The following MYO9A variants were observed in gnomAD, a reference collection of about 807,000 sequenced individuals.
MYO9A encodes the protein myosin IXA.
Under a neutral mutation model 293.3 loss-of-function variants are expected in MYO9A, and 103 were observed. The observed-to-expected ratio is 0.35, with a 90% CI of 0.30 to 0.41. The LOEUF (loss-of-function observed/expected upper bound fraction) is 0.41. Among genes scored for constraint, MYO9A ranks in the 10% least tolerant of loss-of-function variants. MYO9A has a pLI of 1.00. For synonymous variants in MYO9A, 1,001 were observed against 1,035.7 expected, an observed-to-expected ratio of 0.97 and a Z score of 0.64; for missense variants, 2,685 against 3,033.0, an observed-to-expected ratio of 0.89 and a Z score of 2.69.
chr15:72,069,389 TA>T (rs1419222519), intron 1 of MYO9A, among the ~76,000 whole-genome samples: 1 of 152,170 alleles, frequency 6.6e-6, no homozygotes. Flanking sequence ...AAGGGTAGAA[TA>T]TTTTTTTGTC....
At chr15:71,970,334 CCA>C (rs1202497695) in intron 12 of MYO9A, among the ~76,000 whole-genome samples, 1 of 152,170 alleles carries the variant, frequency 6.6e-6, no homozygotes, top group Non-Finnish European at 1.5e-5. Context: ...TAACATACAG[CCA>C]TTAAGTAGGA....
intron 11 of MYO9A, among the ~76,000 whole-genome samples, chr15:71,981,516 G>A (rs373951908): frequency 5.9e-5 from 9 of 152,148 alleles, no homozygotes; most frequent in South Asian, 4.2e-4. Context: ...TCTTTTGTTC[G>A]TATCATTTGA....
At chr15:72,062,106 C>T (rs1267758922) in intron 1 of MYO9A, among the ~76,000 whole-genome samples, 2 of 152,210 alleles carry the variant, frequency 1.3e-5, no homozygotes, top group Non-Finnish European at 2.9e-5. Context: ...AGTACCTCTA[C>T]GAGTCTGCAA....
At chr15:71,937,208 G>T (rs776006434) in intron 16 of MYO9A, among the ~76,000 whole-genome samples, 4 of 152,104 alleles carry the variant, frequency 2.6e-5, no homozygotes, top group Admixed American at 6.6e-5. Flanking sequence ...AAATTGAGTT[G>T]ATAAAGCAGT....
chr15:71,860,527 G>C (rs746445496), intron 33 of MYO9A, among the ~76,000 whole-genome samples: 5 of 152,160 alleles, frequency 3.3e-5, no homozygotes, highest in Non-Finnish European at 7.3e-5. Flanking sequence ...TGGCTTCTGT[G>C]TACCAATACC....
intron 1 of MYO9A, among the ~76,000 whole-genome samples, chr15:72,069,903 A>G (rs1390839254): frequency 1.3e-5 from 2 of 151,634 alleles, no homozygotes; most frequent in African/African-American, 4.9e-5. Flanking sequence ...GGACTGCCTG[A>G]ACTCAGGAGT....
chr15:72,081,848 T>C (rs1238856328), intron 1 of MYO9A, among the ~76,000 whole-genome samples: 1 of 152,160 alleles, frequency 6.6e-6, no homozygotes, highest in African/African-American at 2.4e-5. Flanking sequence ...GTCAGATGGT[T>C]GTAGGTGTGC....
chr15:71,972,700 A>AG (rs202184512), intron 12 of MYO9A, among the ~76,000 whole-genome samples: 1,944 of 152,338 alleles, frequency 0.013, 58 homozygotes, highest in Admixed American at 0.059. Context: ...AACTGGTGTC[A>AG]GAGAAGTGAG....
chr15:71,893,044 AG>A, intron 26 of MYO9A: 1 of 1,289,816 alleles, frequency 7.8e-7, no homozygotes, highest in Non-Finnish European at 1.0e-6. Context: ...GTCAAGGGAG[AG>A]AAGGGGCTCA....
intron 12 of MYO9A, among the ~76,000 whole-genome samples, chr15:71,973,454 T>C (rs1233842263): frequency 1.3e-5 from 2 of 152,122 alleles, no homozygotes; most frequent in Non-Finnish European, 2.9e-5. Flanking sequence ...GAAAACATGT[T>C]TGGGTTGATG....
In MYO9A at chr15:71,950,041, T is replaced by C. The variant is rs77982814; in HGVS notation, c.2302+1736A>G. On this transcript the variant is annotated intron_variant, in intron 15 of 41. Transcript: ENST00000356056. ...TATTTTAAAAATTTTTTTCCAGGTT[T>C]TATCACTGTTACTTGTGGGAGGATT... Among the ~76,000 whole-genome samples the C allele has an allele frequency of 8.1e-4, 123 of 152,302 alleles. 3 individuals carry two copies. The East Asian group carries it at 0.023, about 28-fold the overall frequency.
intron 1 of MYO9A, among the ~76,000 whole-genome samples, chr15:72,102,347 G>GCGGAAGGC (rs2080384428): frequency 6.6e-6 from 1 of 150,840 alleles, no homozygotes; most frequent in South Asian, 2.1e-4. Flanking sequence ...CACAAATACT[G>GCGGAAGGC]CGGAAGGCCG....
rs988344086 is a variant in MYO9A, at chr15:71,824,442, T to G, written c.*2138A>C. ...AAATTATTCCATAAGGGCAATCTCT[T>G]TTTTTCATACAGGATTTAACCAACA... On this transcript the variant is annotated 3_prime_UTR_variant, in exon 42 of 42. Coordinates refer to ENST00000356056, the MANE Select transcript of MYO9A (RefSeq NM_006901.4). 1 of 152,142 alleles carries G rather than the reference T, an allele frequency of 6.6e-6. No homozygotes were observed. Among genetic ancestry groups the G allele is most frequent in the Admixed American group, 6.5e-5 (1 of 15,274 alleles). 9.4% of individuals were successfully genotyped at this position (152,142 alleles called of 1,614,324 possible).
intron 22 of MYO9A, among the ~76,000 whole-genome samples, chr15:71,902,556 G>A (rs2057516041): frequency 6.6e-6 from 1 of 152,070 alleles, no homozygotes; most frequent in South Asian, 2.1e-4. Flanking sequence ...TTTGTGAAAG[G>A]ATTAAAGTGA....
At chr15:71,954,226 A>G (rs2059127682) in intron 14 of MYO9A, among the ~76,000 whole-genome samples, 1 of 149,426 alleles carries the variant, frequency 6.7e-6, no homozygotes, top group African/African-American at 2.5e-5. Context: ...TTTAAGATGG[A>G]GTCTTGCTCT....
At chr15:71,930,330 TTATC>T (rs1596221317) in intron 18 of MYO9A, among the ~76,000 whole-genome samples, 1 of 152,192 alleles carries the variant, frequency 6.6e-6, no homozygotes, top group African/African-American at 2.4e-5. Context: ...GTATTGTAGT[TTATC>T]TCTCTCTTCA....
intron 13 of MYO9A, among the ~76,000 whole-genome samples, chr15:71,964,846 T>C (rs1274241375): frequency 6.6e-6 from 1 of 151,892 alleles, no homozygotes; most frequent in Non-Finnish European, 1.5e-5. Context: ...TCCTAGCTAC[T>C]TGGGAGGCTG....
intron 8 of MYO9A, among the ~76,000 whole-genome samples, chr15:72,001,908 A>G (rs958192393): frequency 3.9e-5 from 6 of 152,304 alleles, no homozygotes; most frequent in Admixed American, 2.6e-4. Flanking sequence ...TGACAAAACT[A>G]ACAAAGCTAA....
chr15:71,900,612 G>A (rs2057457086), intron 23 of MYO9A, among the ~76,000 whole-genome samples: 1 of 152,022 alleles, frequency 6.6e-6, no homozygotes, highest in Non-Finnish European at 1.5e-5. Flanking sequence ...ATGATTTCAT[G>A]TCCTTCAAAT....
Sources: allele counts gnomAD v4.1 joint callset (sites outside exome capture counted in the v4.1 genomes callset), GRCh38; gene constraint gnomAD v4.1.1; transcripts MANE v1.5; gene names NCBI Gene and HGNC (gene_info 2026-07-23, HGNC 2026-07-21).